The following PDE3A variants were observed in gnomAD, a reference collection of about 807,000 sequenced individuals.
PDE3A encodes phosphodiesterase 3A, also known as cGMP-inhibited 3',5'-cyclic phosphodiesterase 3A.
Under a neutral mutation model 98.3 loss-of-function variants are expected in PDE3A, and 43 were observed. The ratio of observed to expected loss-of-function variants is 0.44; its 90% CI spans 0.34 to 0.56. The LOEUF (loss-of-function observed/expected upper bound fraction) is 0.56, where lower values mean the gene tolerates loss of function less well. Ranked by LOEUF, PDE3A falls within the 20% of genes least tolerant of loss-of-function variation. The pLI, the probability that PDE3A is intolerant of heterozygous loss-of-function variation, is 0.01. For missense variants in PDE3A, 1,427 were observed against 1,440.7 expected, an observed-to-expected ratio of 0.99 and a Z score of 0.15; for synonymous variants, 663 against 567.9, an observed-to-expected ratio of 1.17 and a Z score of -2.38.
At chr12:20,385,826 T>C (rs1296510986) in intron 1 of PDE3A, among the ~76,000 whole-genome samples, 1 of 149,154 alleles carries the variant, frequency 6.7e-6, no homozygotes, top group East Asian at 2.0e-4. Flanking sequence ...CATTAGGAGA[T>C]ATACCTAATG....
intron 1 of PDE3A, among the ~76,000 whole-genome samples, chr12:20,539,351 A>G (rs773613819): frequency 6.6e-6 from 1 of 152,166 alleles, no homozygotes; most frequent in Non-Finnish European, 1.5e-5. Flanking sequence ...TCAGAAAGCC[A>G]AGATGCCACT....
At chr12:20,620,359 G>A (rs1944103807) in intron 4 of PDE3A, among the ~76,000 whole-genome samples, 1 of 152,030 alleles carries the variant, frequency 6.6e-6, no homozygotes, top group Non-Finnish European at 1.5e-5. Flanking sequence ...ACTAGTGCTT[G>A]AAAGGACACA....
intron 1 of PDE3A, among the ~76,000 whole-genome samples, chr12:20,376,881 A>G (rs1591858321): frequency 6.6e-6 from 1 of 151,836 alleles, no homozygotes; most frequent in Non-Finnish European, 1.5e-5. Context: ...CAAACTAAGC[A>G]ATGTCTGTGT....
intron 2 of PDE3A, among the ~76,000 whole-genome samples, chr12:20,610,119 C>A (rs972128298): frequency 2.0e-4 from 2 of 9,796 alleles, no homozygotes; most frequent in Non-Finnish European, 7.3e-3. Flanking sequence ...AACTGACAGA[C>A]TGGGAAAAAA....
intron 3 of PDE3A, among the ~76,000 whole-genome samples, chr12:20,615,255 A>G (rs951734414): frequency 3.3e-5 from 5 of 152,044 alleles, no homozygotes; most frequent in African/African-American, 1.2e-4. Flanking sequence ...TGCTCATCCT[A>G]GTGATCCCAG....
chr12:20,510,822 TG>T (rs1159431542), intron 1 of PDE3A, among the ~76,000 whole-genome samples: 1 of 152,212 alleles, frequency 6.6e-6, no homozygotes, highest in Non-Finnish European at 1.5e-5. Flanking sequence ...AAGCATTCTC[TG>T]AGAGTGAAGA....
At chr12:20,580,675 GAAAATTGCTACA>G (rs1204969173) in intron 2 of PDE3A, among the ~76,000 whole-genome samples, 1 of 152,144 alleles carries the variant, frequency 6.6e-6, no homozygotes, top group Non-Finnish European at 1.5e-5. Flanking sequence ...ATGGGGCTAG[GAAAATTGCTACA>G]AATTATATTT....
At chr12:20,601,817 C>A (rs764715334) in intron 2 of PDE3A, among the ~76,000 whole-genome samples, 4 of 151,528 alleles carry the variant, frequency 2.6e-5, no homozygotes, top group Non-Finnish European at 4.4e-5. Context: ...GTTAATGAGG[C>A]AGTAGCACTT....
Position 20,369,320 on chromosome 12 carries a change from C to G in PDE3A, c.36C>G (p.Asp12Glu), listed in dbSNP as rs868323007. 1 of 1,545,446 alleles carries G rather than the reference C, an allele frequency of 6.5e-7. No individual in the cohort carries two copies. Among genetic ancestry groups the G allele is most frequent in the Middle Eastern group, 1.8e-4 (1 of 5,546 alleles). The change falls in exon 1 of 16, where the codon GAC becomes GAG. Residue 12 changes from aspartate (D) to glutamate (E), a missense_variant. Physicochemically the swap from Asp to Glu is conservative, Grantham distance 45. Transcript: ENST00000359062. Reference protein sequence around the residue: ...AVPGDAARVRDKPVHSGVSQA... With the variant: ...AVPGDAARVREKPVHSGVSQA... ...CCGGCGACGCTGCACGAGTCAGGGACAAGCCCGTCCACAGTGGGGTGAGTC... is the reference window on the plus strand; with the variant it reads ...CCGGCGACGCTGCACGAGTCAGGGAGAAGCCCGTCCACAGTGGGGTGAGTC...
intron 1 of PDE3A, among the ~76,000 whole-genome samples, chr12:20,517,683 T>C (rs1321793190): frequency 1.3e-5 from 2 of 152,202 alleles, no homozygotes; most frequent in Non-Finnish European, 2.9e-5. Context: ...TTTGTTGTTA[T>C]AAAACTTATT....
At chr12:20,385,944 GTATTA>G (rs1248313930) in intron 1 of PDE3A, among the ~76,000 whole-genome samples, 2 of 120,806 alleles carry the variant, frequency 1.7e-5, no homozygotes, top group Admixed American at 2.1e-4. Context: ...ATAATACAAA[GTATTA>G]TATTAATTAT....
At chr12:20,434,024 T>C (rs1409028382) in intron 1 of PDE3A, among the ~76,000 whole-genome samples, 1 of 152,198 alleles carries the variant, frequency 6.6e-6, no homozygotes, top group Non-Finnish European at 1.5e-5. Context: ...TGATTTGTTC[T>C]TCCTCAGACT....
At chr12:20,418,246 A>T (rs1367269140) in intron 1 of PDE3A, among the ~76,000 whole-genome samples, 1 of 152,102 alleles carries the variant, frequency 6.6e-6, no homozygotes, top group Non-Finnish European at 1.5e-5. Flanking sequence ...ATCAATCCTA[A>T]ATGTGTCGGG....
At chr12:20,536,434 T>A (rs2121204379) in intron 1 of PDE3A, among the ~76,000 whole-genome samples, 1 of 152,190 alleles carries the variant, frequency 6.6e-6, no homozygotes, top group African/African-American at 2.4e-5. Context: ...TCATTGTTTT[T>A]TAGTATATTC....
intron 1 of PDE3A, among the ~76,000 whole-genome samples, chr12:20,403,507 T>C (rs1944172123): frequency 6.6e-6 from 1 of 152,178 alleles, no homozygotes; most frequent in South Asian, 2.1e-4. Context: ...AGGACAGCTC[T>C]TAGGATTTGT....
chr12:20,532,237 C>T (rs1941618849), intron 1 of PDE3A, among the ~76,000 whole-genome samples: 2 of 152,024 alleles, frequency 1.3e-5, no homozygotes, highest in African/African-American at 2.4e-5. Flanking sequence ...CTGACAAAAT[C>T]TGCGGTAAGA....
chr12:20,548,321 A>G (rs1942110014), intron 1 of PDE3A, among the ~76,000 whole-genome samples: 2 of 152,238 alleles, frequency 1.3e-5, no homozygotes, highest in Admixed American at 1.3e-4. Flanking sequence ...ATTTGCAGGC[A>G]TAACCTTGGT....
At chr12:20,603,328 C>T (rs1464755511) in intron 2 of PDE3A, among the ~76,000 whole-genome samples, 1 of 152,182 alleles carries the variant, frequency 6.6e-6, no homozygotes, top group Non-Finnish European at 1.5e-5. Context: ...AACAATGGAG[C>T]TATGATGCCT....
intron 1 of PDE3A, among the ~76,000 whole-genome samples, chr12:20,445,090 T>C (rs910953776): frequency 5.3e-5 from 8 of 152,176 alleles, no homozygotes; most frequent in Admixed American, 2.0e-4. Flanking sequence ...CTGGCAGTAA[T>C]TGCACAAGTA....
Sources: allele counts gnomAD v4.1 joint callset (sites outside exome capture counted in the v4.1 genomes callset), GRCh38; gene constraint gnomAD v4.1.1; transcripts MANE v1.5; gene names NCBI Gene and HGNC (gene_info 2026-07-23, HGNC 2026-07-21).